TOX3: variants seen among roughly 807,000 people sequenced by gnomAD.
TOX3 encodes CAG trinucleotide repeat-containing gene F9 protein.
A neutral mutation model predicts 64.3 loss-of-function variants in TOX3; 22 were observed. The observed-to-expected ratio is 0.34, with a 90% CI of 0.24 to 0.49. The LOEUF (loss-of-function observed/expected upper bound fraction) is 0.49. Ranked by LOEUF, TOX3 falls within the 20% of genes least tolerant of loss-of-function variation. The pLI is 0.99. For synonymous variants in TOX3, 291 were observed against 273.6 expected, an observed-to-expected ratio of 1.06 and a Z score of -0.63; for missense variants, 661 against 714.4, an observed-to-expected ratio of 0.93 and a Z score of 0.85.
chr16:52,534,619 C>A (rs1962913231), intron 1 of TOX3, among the ~76,000 whole-genome samples: 1 of 151,588 alleles, frequency 6.6e-6, no homozygotes, highest in African/African-American at 2.4e-5. Flanking sequence ...CGGGGCAACA[C>A]AACAAGACCC....
chr16:52,469,125 G>T (rs1200758945), intron 1 of TOX3, among the ~76,000 whole-genome samples: 1 of 152,150 alleles, frequency 6.6e-6, no homozygotes, highest in Non-Finnish European at 1.5e-5. Context: ...AGCTTAAAGC[G>T]ATATCTATAT....
intron 1 of TOX3, among the ~76,000 whole-genome samples, chr16:52,501,087 T>A (rs2151464525): frequency 6.6e-6 from 1 of 152,334 alleles, no homozygotes; most frequent in African/African-American, 2.4e-5. Context: ...TTCCATATGT[T>A]AACTCATTAA....
intron 1 of TOX3, among the ~76,000 whole-genome samples, chr16:52,532,935 A>G (rs1167531315): frequency 1.3e-5 from 2 of 152,218 alleles, no homozygotes; most frequent in Non-Finnish European, 2.9e-5. Flanking sequence ...GAATCTGCCT[A>G]GAGAAGGCAC....
chr16:52,485,263 T>C (rs1329689311), intron 1 of TOX3, among the ~76,000 whole-genome samples: 1 of 146,874 alleles, frequency 6.8e-6, no homozygotes, highest in Non-Finnish European at 1.5e-5. Context: ...TATATATATA[T>C]ATATATATAC....
intron 1 of TOX3, among the ~76,000 whole-genome samples, chr16:52,529,634 C>A (rs1416902297): frequency 6.6e-6 from 1 of 152,180 alleles, no homozygotes. Context: ...TAGACAGCTA[C>A]TAAATGGGTT....
intron 3 of TOX3, among the ~76,000 whole-genome samples, chr16:52,451,430 T>C (rs1440660830): frequency 1.3e-5 from 2 of 152,212 alleles, no homozygotes; most frequent in Non-Finnish European, 2.9e-5. Flanking sequence ...AAAGGCCTTA[T>C]AGTTGTTACT....
At chr16:52,447,555 G>A (rs1960198786) in intron 4 of TOX3, among the ~76,000 whole-genome samples, 2 of 152,178 alleles carry the variant, frequency 1.3e-5, no homozygotes, top group African/African-American at 4.8e-5. Flanking sequence ...AGTGATAACA[G>A]CATCCACACT....
At chr16:52,535,249 C>T (rs187333800) in intron 1 of TOX3, among the ~76,000 whole-genome samples, 3 of 152,330 alleles carry the variant, frequency 2.0e-5, no homozygotes, top group Admixed American at 2.0e-4. Flanking sequence ...TCCACTCACT[C>T]CTTCCACAGT....
chr16:52,479,124 T>G (rs567233169), intron 1 of TOX3, among the ~76,000 whole-genome samples: 36 of 152,248 alleles, frequency 2.4e-4, no homozygotes, highest in Middle Eastern at 3.4e-3. Flanking sequence ...TACTCCCCCT[T>G]GAAAGTCAGC....
intron 5 of TOX3, chr16:52,444,935 C>T (rs1960119353): frequency 1.3e-5 from 2 of 152,134 alleles, no homozygotes; most frequent in African/African-American, 4.8e-5. Context: ...ATTAGTGACC[C>T]CACTGAGTTA....
Position 52,456,212 on chromosome 16 carries a change from C to T in TOX3, c.409-5666G>A, listed in dbSNP as rs542212647. Reference sequence around the variant, plus strand: ...AAAGCATGGTATATATCTGGTGGGACTATTCATTGCAATAAATATTAACTG... The same window carrying T: ...AAAGCATGGTATATATCTGGTGGGATTATTCATTGCAATAAATATTAACTG... On this transcript the variant is annotated intron_variant, in intron 3 of 6. Transcript: ENST00000219746. Among the ~76,000 whole-genome samples, 42 of 152,308 alleles carry T rather than the reference C, an allele frequency of 2.8e-4. 2 individuals are homozygous for T. The highest frequency in any genetic ancestry group is 2.9e-4 in the African/African-American group (12 of 41,568).
chr16:52,493,768 C>A (rs1469640523), intron 1 of TOX3, among the ~76,000 whole-genome samples: 1 of 152,126 alleles, frequency 6.6e-6, no homozygotes, highest in Non-Finnish European at 1.5e-5. Context: ...CAAAGTCTCC[C>A]TTTTCATTTG....
intron 1 of TOX3, among the ~76,000 whole-genome samples, chr16:52,518,061 G>T (rs897892306): frequency 1.3e-5 from 2 of 151,844 alleles, no homozygotes; most frequent in African/African-American, 4.8e-5. Flanking sequence ...GAAACATCCC[G>T]CATAAGATCT....
Position 52,508,327 on chromosome 16 carries a change from G to T in TOX3, c.87+38310C>A, listed in dbSNP as rs566573512. ...GTTCCTCTCCCAAGTAAAGACATGA[G>T]AACAATTCTTGCACATGTGCAACAG... is the stretch of plus-strand genomic sequence containing the variant. On this transcript the variant is annotated intron_variant, in intron 1 of 6. Coordinates refer to ENST00000219746, the MANE Select transcript of TOX3 (RefSeq NM_001080430.4). 2.3e-3 allele frequency among the ~76,000 whole-genome samples: 351 copies of T among 152,266 alleles called. 2 individuals carry two copies. The highest frequency in any genetic ancestry group is 8.2e-3 in the African/African-American group (339 of 41,562).
intron 3 of TOX3, among the ~76,000 whole-genome samples, chr16:52,451,839 A>G (rs866573568): frequency 6.6e-6 from 1 of 152,218 alleles, no homozygotes; most frequent in African/African-American, 2.4e-5. Context: ...ATTTATGTGC[A>G]TTGACCTAGG....
At chr16:52,461,562 G>A (rs1960690063) in intron 3 of TOX3, among the ~76,000 whole-genome samples, 1 of 152,046 alleles carries the variant, frequency 6.6e-6, no homozygotes, top group Non-Finnish European at 1.5e-5. Flanking sequence ...AACCGATGAA[G>A]CTCTGAAGAA....
rs76182031 is a variant in TOX3, at chr16:52,453,137, C to T, written c.409-2591G>A. Among the ~76,000 whole-genome samples the T allele has an allele frequency of 7.9e-3, 1,204 of 152,066 alleles. 17 individuals are homozygous for T. Among genetic ancestry groups the T allele is most frequent in the African/African-American group, 0.027 (1,126 of 41,466 alleles). On this transcript the variant is annotated intron_variant, in intron 3 of 6. Transcript: ENST00000219746. ...TCCACCCCCACACTACTGGTAATTA[C>T]GCCATCTAGCTTATTCTAAATTTTC...
chr16:52,481,852 C>G (rs1961378561), intron 1 of TOX3, among the ~76,000 whole-genome samples: 1 of 152,144 alleles, frequency 6.6e-6, no homozygotes, highest in African/African-American at 2.4e-5. Flanking sequence ...ATCATTAGTT[C>G]TCTGTATTTT....
At chr16:52,449,567 C>T (rs1171187244) in intron 4 of TOX3, among the ~76,000 whole-genome samples, 1 of 152,162 alleles carries the variant, frequency 6.6e-6, no homozygotes, top group Admixed American at 6.5e-5. Flanking sequence ...CTATTCATCC[C>T]CAAAGGGGAA....
Sources: gnomAD v4.1 joint callset for allele counts (sites outside exome capture counted in the v4.1 genomes callset) on GRCh38, gnomAD v4.1.1 for gene constraint, MANE v1.5 for transcripts, NCBI Gene and HGNC (gene_info 2026-07-23, HGNC 2026-07-21) for gene names.